The following GTF2IRD1 variants were observed in gnomAD, a reference collection of about 807,000 sequenced individuals.
The protein encoded by GTF2IRD1 is GTF2I repeat domain containing 1, also known as general transcription factor II-I repeat domain-containing protein 1.
In GTF2IRD1, 26 loss-of-function variants were observed where a neutral mutation model predicts 113.2. That is an observed-to-expected ratio of 0.23 (90% confidence interval 0.17 to 0.32). The LOEUF (loss-of-function observed/expected upper bound fraction) is 0.32. Among genes scored for constraint, GTF2IRD1 ranks in the 10% least tolerant of loss-of-function variants. GTF2IRD1 has a pLI of 1.00. For synonymous variants in GTF2IRD1, 484 were observed against 529.1 expected (o/e 0.91, Z 1.17); for missense variants, 864 against 1,280.8 (o/e 0.67, Z 4.97).
chr7:74,507,812 A>G, intron 1 of GTF2IRD1: 1 of 409,656 alleles, frequency 2.4e-6, no homozygotes, highest in Non-Finnish European at 4.4e-6. Context: ...TGTCCAACAG[A>G]CTGGTCCTGG....
At chr7:74,598,323 A>C (rs1449108477) in intron 25 of GTF2IRD1, among the ~76,000 whole-genome samples, 6 of 152,218 alleles carry the variant, frequency 3.9e-5, no homozygotes, top group Admixed American at 2.6e-4. Flanking sequence ...AGAGGAGGCC[A>C]GTCGCGGTGG....
At chr7:74,566,712 C>CTTATT (rs1554360792) in intron 22 of GTF2IRD1, among the ~76,000 whole-genome samples, 1 of 152,190 alleles carries the variant, frequency 6.6e-6, no homozygotes, top group African/African-American at 2.4e-5. Flanking sequence ...AGTAGCTGGC[C>CTTATT]TTATTGGAGG....
chr7:74,459,419 T>C (rs1042576585), intron 1 of GTF2IRD1, among the ~76,000 whole-genome samples: 12 of 151,858 alleles, frequency 7.9e-5, no homozygotes, highest in Admixed American at 3.9e-4. Flanking sequence ...GATCGTACCA[T>C]TGCACTCCAG....
At chr7:74,506,377 C>A (rs9654802) in intron 1 of GTF2IRD1, 10,758 of 152,246 alleles carry the variant, frequency 0.071, 1,180 homozygotes, top group African/African-American at 0.24. Context: ...GCAGGGGCAC[C>A]CATGGCGGCA....
chr7:74,477,406 T>G (rs1304880051), intron 1 of GTF2IRD1, among the ~76,000 whole-genome samples: 203 of 84,212 alleles, frequency 2.4e-3, no homozygotes, highest in South Asian at 2.9e-3. Flanking sequence ...GCATTTGGGG[T>G]GGGACGGGGC....
intron 15 of GTF2IRD1, among the ~76,000 whole-genome samples, chr7:74,545,141 G>T (rs1554352869): frequency 6.6e-6 from 1 of 152,100 alleles, no homozygotes; most frequent in Non-Finnish European, 1.5e-5. Context: ...TAGATTAGAG[G>T]CCTGAAAGCA....
Position 74,508,148 on chromosome 7 carries a change from C to T in GTF2IRD1, c.68C>T (p.Ala23Val), listed in dbSNP as rs534894045. 232 of 1,612,494 alleles carry T rather than the reference C, an allele frequency of 1.4e-4. 1 individual carries two copies. The South Asian group carries it at 1.6e-3, about 11-fold the overall frequency. Residue 23 changes from alanine to valine, a missense_variant, in exon 2 of 27, where the codon GCG becomes GTG. Ala to Val is a moderately conservative substitution (Grantham distance 64). This residue lies in a region of GTF2IRD1 where 182 missense variants were observed against 266.6 expected (regional missense o/e 0.68). Transcript: ENST00000424337. ...NGCGPDRWNS[A>V]FTRKDEIITS... ...TGCGGACCCGACCGCTGGAACTCCG[C>T]GTTCACCCGCAAAGACGAGATCATC...
intron 24 of GTF2IRD1, among the ~76,000 whole-genome samples, chr7:74,594,562 G>A (rs782497886): frequency 2.0e-5 from 3 of 152,120 alleles, no homozygotes; most frequent in South Asian, 2.1e-4. Flanking sequence ...CTGTTGGGAC[G>A]TTGTGCCCCC....
chr7:74,523,978 C>G, intron 7 of GTF2IRD1, 93 bp from the exon 8 acceptor site: 1 of 851,558 alleles, frequency 1.2e-6, no homozygotes, highest in South Asian at 1.4e-5. Context: ...GCCTCGGGGG[C>G]TCTGGGGGTG....
chr7:74,493,099 T>C (rs1795460091), intron 1 of GTF2IRD1, among the ~76,000 whole-genome samples: 2 of 147,032 alleles, frequency 1.4e-5, no homozygotes, highest in Admixed American at 1.3e-4. Flanking sequence ...GCATGACCTC[T>C]TCTTCTTCTT....
At chr7:74,504,540 G>A (rs1331048767) in intron 1 of GTF2IRD1, among the ~76,000 whole-genome samples, 1 of 152,048 alleles carries the variant, frequency 6.6e-6, no homozygotes, top group African/African-American at 2.4e-5. Flanking sequence ...TCTTCCTACC[G>A]CATGGTGACA....
At chr7:74,543,745 T>G (rs1798757491) in intron 14 of GTF2IRD1, among the ~76,000 whole-genome samples, 1 of 151,180 alleles carries the variant, frequency 6.6e-6, no homozygotes. Flanking sequence ...ACAAAAAATT[T>G]TAAAAAGTAG....
Position 74,538,116 on chromosome 7 carries a change from T to A in GTF2IRD1, c.1410-20T>A. On this transcript the variant is annotated intron_variant, in intron 11 of 26. Coordinates refer to ENST00000424337, the MANE Select transcript of GTF2IRD1 (RefSeq NM_005685.4). ...CCCTGGACTTGGCTGACAGGTGTCA[T>A]TTCCTGCTTCCCTTCACAGGTCAGA... 6.2e-7 allele frequency: 1 copy of A among 1,611,672 alleles called. No homozygotes were observed. The highest frequency in any genetic ancestry group is 8.5e-7 in the Non-Finnish European group (1 of 1,179,492).
intron 8 of GTF2IRD1, 149 bp from the exon 9 acceptor site, chr7:74,529,585 G>C (rs1249779921): frequency 1.6e-6 from 1 of 621,452 alleles, no homozygotes; most frequent in East Asian, 2.8e-5. Flanking sequence ...AAAGTGATAT[G>C]ATTTTGACAT....
At chr7:74,459,971 CT>C (rs782397218) in intron 1 of GTF2IRD1, among the ~76,000 whole-genome samples, 127 of 141,998 alleles carry the variant, frequency 8.9e-4, no homozygotes, top group Middle Eastern at 3.6e-3. Context: ...TGAATCTTGG[CT>C]TTTTTTTTTT....
At position 74,456,261 on chromosome 7, in the gene GTF2IRD1, G is replaced by A. The variant is rs188805554; in HGVS notation, c.-7+2085G>A. Among the ~76,000 whole-genome samples, 619 of 152,296 alleles carry A rather than the reference G, an allele frequency of 4.1e-3. 3 individuals are homozygous for A. The highest frequency in any genetic ancestry group is 6.4e-3 in the Non-Finnish European group (432 of 68,022). On this transcript the variant is annotated intron_variant, in intron 1 of 26. Transcript: ENST00000424337. ...TGGTTGTTGGACCTGGGGTCTTGTG[G>A]ATGGTGGGTGATGGCTTGGGACATT... is the stretch of plus-strand genomic sequence containing the variant.
chr7:74,509,880 T>TAG (rs1796524985), intron 2 of GTF2IRD1, among the ~76,000 whole-genome samples: 1 of 152,102 alleles, frequency 6.6e-6, no homozygotes, highest in South Asian at 2.1e-4. Context: ...TTTCACCATG[T>TAG]TGGCCAGGAT....
At chr7:74,551,910 T>C (rs1799330750) in intron 17 of GTF2IRD1, among the ~76,000 whole-genome samples, 3 of 152,064 alleles carry the variant, frequency 2.0e-5, no homozygotes, top group Non-Finnish European at 4.4e-5. Context: ...CACTTCAGCC[T>C]GGGTGACAGA....
chr7:74,493,303 G>C (rs1328253073), intron 1 of GTF2IRD1, among the ~76,000 whole-genome samples: 3 of 151,240 alleles, frequency 2.0e-5, no homozygotes, highest in African/African-American at 7.3e-5. Context: ...GTAGAGATGG[G>C]GTCTCACTAT....
Sources: gnomAD v4.1 joint callset for allele counts (sites outside exome capture counted in the v4.1 genomes callset) on GRCh38, gnomAD v4.1.1 for gene constraint, gnomAD v4.1.1 regional missense constraint, MANE v1.5 for transcripts, NCBI Gene and HGNC (gene_info 2026-07-23, HGNC 2026-07-21) for gene names.